The following OLFM1 variants were observed in gnomAD, a reference collection of about 807,000 sequenced individuals.
OLFM1 encodes the protein olfactomedin 1.
Under a neutral mutation model 49.7 loss-of-function variants are expected in OLFM1, and 9 were observed. The observed-to-expected ratio is 0.18, with a 90% CI of 0.11 to 0.32. OLFM1 has a LOEUF of 0.32. Ranked by LOEUF, OLFM1 falls within the 10% of genes least tolerant of loss-of-function variation. The pLI, the probability that OLFM1 is intolerant of heterozygous loss-of-function variation, is 1.00. For missense variants in OLFM1, 369 were observed against 661.8 expected (o/e 0.56, Z 4.85); for synonymous variants, 240 against 271.8 (o/e 0.88, Z 1.15).
chr9:135,120,173 T>G lies in OLFM1; in HGVS notation c.1453T>G (p.Leu485Val). 6.2e-7 allele frequency: 1 copy of G among 1,605,412 alleles called. No homozygotes were observed. Residue 485 changes from leucine (L) to valine (V), a missense_variant, in exon 6 of 6, where the codon TTG (leucine) becomes GTG (valine). Coordinates refer to ENST00000371793, the MANE Select transcript of OLFM1 (RefSeq NM_001282611.2). ...TLFHVIRSDE[L>V] is the part of the protein sequence containing the mutation. ...CTTCCACGTCATCCGCTCCGACGAG[T>G]TGTAGCTCCCTCCTCCTGGAAGCCA... is the stretch of plus-strand genomic sequence containing the variant.
intron 1 of OLFM1, chr9:135,076,887 A>T (rs1251046573): frequency 6.4e-6 from 10 of 1,550,634 alleles, no homozygotes; most frequent in Non-Finnish European, 8.7e-6. Context: ...GAAGACACTG[A>T]ACGAGCTTCC....
At chr9:135,085,470 G>A (rs1014884097), upstream of OLFM1, among the ~76,000 whole-genome samples, 1 of 152,266 alleles carries the variant, frequency 6.6e-6, no homozygotes, top group Non-Finnish European at 1.5e-5. Context: ...CTAGGCCTGA[G>A]ATTCCTCATC....
intron 4 of OLFM1, among the ~76,000 whole-genome samples, chr9:135,101,779 A>AGTG (rs1830873834): frequency 6.6e-6 from 1 of 152,240 alleles, no homozygotes; most frequent in African/African-American, 2.4e-5. Context: ...CGTGAGGGTC[A>AGTG]GTGCACGATG....
At chr9:135,087,154 C>A, upstream of OLFM1, 1 of 1,259,380 alleles carries the variant, frequency 7.9e-7, no homozygotes, top group Non-Finnish European at 1.0e-6. Context: ...TCCACCGATG[C>A]CCCGACGCCC....
At chr9:135,119,214 C>T (rs532648655) in intron 5 of OLFM1, among the ~76,000 whole-genome samples, 98 of 149,478 alleles carry the variant, frequency 6.6e-4, no homozygotes, top group Non-Finnish European at 1.2e-3. Context: ...TTGGAGTGCT[C>T]GCTGTGTCTT....
chr9:135,107,464 C>T (rs1037274716), intron 5 of OLFM1, among the ~76,000 whole-genome samples: 1 of 152,152 alleles, frequency 6.6e-6, no homozygotes, highest in Non-Finnish European at 1.5e-5. Flanking sequence ...ATGTTCGAGC[C>T]CCTTTGAAAA....
Position 135,106,777 on chromosome 9 carries a change from C to A in OLFM1, c.705C>A (p.Asp235Glu), listed in dbSNP as rs1830950258. The change falls in exon 5 of 6, where the codon GAC becomes GAA. Residue 235 changes from aspartate to glutamate, a missense_variant. Asp to Glu is a conservative substitution (Grantham distance 45). Around this residue, in one of 3 missense-constraint regions of OLFM1, gnomAD observed 294 missense variants for 567.5 expected, o/e 0.52. Coordinates refer to ENST00000371793, the MANE Select transcript of OLFM1 (RefSeq NM_001282611.2). ...GCGGGAAGTTGACGGGCATCAGTGA[C>A]CCCGTGACTGTCAAGACCTCCGGCT... ...LACGKLTGIS[D>E]PVTVKTSGSR... The A allele has an allele frequency of 3.1e-6, 5 of 1,613,722 alleles. No homozygotes were observed. The highest frequency in any genetic ancestry group is 4.2e-6 in the Non-Finnish European group (5 of 1,179,906).
chr9:135,099,975 C>T (rs894367942), intron 4 of OLFM1, among the ~76,000 whole-genome samples: 5 of 152,170 alleles, frequency 3.3e-5, no homozygotes, highest in African/African-American at 7.2e-5. Context: ...GTACTGTCTT[C>T]GGCTTGCTAC....
chr9:135,089,268 A>G (rs1830647307), intron 1 of OLFM1, among the ~76,000 whole-genome samples: 1 of 152,174 alleles, frequency 6.6e-6, no homozygotes, highest in Non-Finnish European at 1.5e-5. Context: ...ACTACTATAG[A>G]TTCTACCCGC....
intron 2 of OLFM1, among the ~76,000 whole-genome samples, chr9:135,091,841 ACACT>A (rs1288524303): frequency 2.0e-4 from 28 of 142,902 alleles, no homozygotes; most frequent in African/African-American, 4.6e-4. Context: ...AGTCACACAC[ACACT>A]CACACATAGT....
intron 5 of OLFM1, among the ~76,000 whole-genome samples, chr9:135,114,690 A>G (rs370241603): frequency 3.3e-4 from 39 of 117,816 alleles, no homozygotes; most frequent in African/African-American, 1.2e-3. Flanking sequence ...CAGCCTGGGG[A>G]GGGAGGGAGG....
chr9:135,110,572 T>C (rs56856763), intron 5 of OLFM1, among the ~76,000 whole-genome samples: 3,933 of 152,266 alleles, frequency 0.026, 130 homozygotes, highest in African/African-American at 0.07. Context: ...ATATCCAAAA[T>C]GCATAAAACC....
At chr9:135,103,080 C>T (rs974191710) in intron 4 of OLFM1, among the ~76,000 whole-genome samples, 1 of 152,242 alleles carries the variant, frequency 6.6e-6, no homozygotes, top group African/African-American at 2.4e-5. Flanking sequence ...GGCCTCTGCC[C>T]CTCCAGCTGA....
At chr9:135,076,889 C>G (rs79272696) in intron 1 of OLFM1, 1 of 1,550,590 alleles carries the variant, frequency 6.4e-7, no homozygotes. Context: ...AGACACTGAA[C>G]GAGCTTCCCT....
chr9:135,084,960 C>T (rs142129191), upstream of OLFM1, among the ~76,000 whole-genome samples: 5 of 152,326 alleles, frequency 3.3e-5, no homozygotes, highest in East Asian at 1.9e-4. The surrounding 1 kb of genome is among the most constrained non-coding windows in gnomAD (Gnocchi z 4.6). Flanking sequence ...CAATAGCCCA[C>T]GTGTGTCCGC....
intron 5 of OLFM1, among the ~76,000 whole-genome samples, chr9:135,116,651 G>A (rs1440559813): frequency 1.3e-5 from 2 of 152,070 alleles, no homozygotes; most frequent in African/African-American, 4.8e-5. Context: ...AGGGCTTGGG[G>A]AGGAATGGTA....
intron 3 of OLFM1, chr9:135,097,976 A>G: frequency 7.0e-7 from 1 of 1,430,452 alleles, no homozygotes; most frequent in Non-Finnish European, 9.1e-7. Context: ...GCTGCATTTC[A>G]TGAATAGTTT....
intron 1 of OLFM1, among the ~76,000 whole-genome samples, chr9:135,089,410 G>C (rs1023336336): frequency 6.6e-6 from 1 of 152,202 alleles, no homozygotes; most frequent in African/African-American, 2.4e-5. Context: ...TGCCCGCCCC[G>C]GTACCTGGCA....
upstream of OLFM1, chr9:135,087,650 G>T: frequency 1.9e-6 from 1 of 521,366 alleles, no homozygotes; most frequent in Non-Finnish European, 2.8e-6. Flanking sequence ...GCCCCCGCGC[G>T]CAGCCCGCGC....
Sources: gnomAD v4.1 joint callset for allele counts (sites outside exome capture counted in the v4.1 genomes callset) on GRCh38, gnomAD v4.1.1 for gene constraint, gnomAD v4.1.1 regional missense constraint, Gnocchi (gnomAD v3.1) non-coding constraint, MANE v1.5 for transcripts, NCBI Gene and HGNC (gene_info 2026-07-23, HGNC 2026-07-21) for gene names.